The following KLB variants were observed in gnomAD, a reference collection of about 807,000 sequenced individuals.
KLB encodes klotho beta.
A neutral mutation model predicts 88.4 loss-of-function variants in KLB; 44 were observed. That is an observed-to-expected ratio of 0.50 (90% CI 0.39 to 0.64). The LOEUF is 0.64. KLB is among the 30% of genes least tolerant of loss of function. The pLI is 0.00. For synonymous variants in KLB, 548 were observed against 513.4 expected (o/e 1.07, Z -0.91); for missense variants, 1,137 against 1,304.8 (o/e 0.87, Z 1.98).
At chr4:39,418,626 A>T (rs1442532458) in intron 1 of KLB, among the ~76,000 whole-genome samples, 1 of 151,934 alleles carries the variant, frequency 6.6e-6, no homozygotes, top group Admixed American at 6.6e-5. Context: ...TCACGATCTA[A>T]GACACCTCTA....
In KLB at chr4:39,447,050, C is replaced by T. The variant is rs1300930386; in HGVS notation, c.2324C>T (p.Pro775Leu). ...TTCGAGATCGCCTGGTTCGCCGAGC[C>T]GCTCTTCAAGACCGGGGACTACCCC... ...LQFEIAWFAE[P>L]LFKTGDYPAA... is the part of the protein sequence containing the mutation. Residue 775 changes from proline (P) to leucine (L), a missense_variant, in exon 4 of 5, where the codon CCG becomes CTG. This residue lies in a region of KLB where 426 missense variants were observed against 404.6 expected (regional missense o/e 1.05). Transcript: ENST00000257408. 3 of 1,612,566 alleles carry T rather than the reference C, an allele frequency of 1.9e-6. No homozygotes were observed. Among genetic ancestry groups the T allele is most frequent in the East Asian group, 2.2e-5 (1 of 44,884 alleles).
Position 39,407,184 on chromosome 4 carries a change from G to C in KLB, c.235G>C (p.Asp79His), listed in dbSNP as rs754389582. 6.2e-7 allele frequency: 1 copy of C among 1,614,062 alleles called. No homozygotes were observed. Among genetic ancestry groups the C allele is most frequent in the South Asian group, 1.1e-5 (1 of 91,068 alleles). The change falls in exon 1 of 5, where the codon GAC (aspartate) becomes CAC (histidine). Residue 79 changes from aspartate (D) to histidine (H), a missense_variant. Physicochemically the swap from Asp to His is moderately conservative, Grantham distance 81. Coordinates refer to ENST00000257408, the MANE Select transcript of KLB (RefSeq NM_175737.4). ...AAATGAAAGTCAGCTGTTTCTCTATGACACTTTCCCTAAAAACTTTTTCTG... is the reference window on the plus strand; with the variant it reads ...AAATGAAAGTCAGCTGTTTCTCTATCACACTTTCCCTAAAAACTTTTTCTG... ...PVNESQLFLY[D>H]TFPKNFFWGI... is the part of the protein sequence containing the mutation.
intron 4 of KLB, 144 bp from the exon 5 acceptor site, chr4:39,448,157 A>G (rs901490902): frequency 1.5e-5 from 9 of 606,048 alleles, no homozygotes; most frequent in Non-Finnish European, 2.6e-5. Flanking sequence ...TCATAAAAGA[A>G]TAAATGTCAA....
chr4:39,445,479 G>A (rs1180417677), intron 3 of KLB, among the ~76,000 whole-genome samples: 1 of 150,522 alleles, frequency 6.6e-6, no homozygotes, highest in Non-Finnish European at 1.5e-5. Flanking sequence ...GGATGCAAAT[G>A]TGTTATCACT....
Position 39,437,879 on chromosome 4 carries a change from C to T in KLB, c.1489C>T (p.His497Tyr). ...AGAGCGGAAACCTAAGTCTTCAGCACACTACTACAAACAGATCATACGAGA... is the reference window on the plus strand; with the variant it reads ...AGAGCGGAAACCTAAGTCTTCAGCATACTACTACAAACAGATCATACGAGA... ...QKERKPKSSA[H>Y]YYKQIIRENG... Residue 497 changes from histidine (H) to tyrosine (Y), a missense_variant, in exon 3 of 5, where the codon CAC (histidine) becomes TAC (tyrosine). Around this residue, in one of 4 missense-constraint regions of KLB, gnomAD observed 597 missense variants for 765.2 expected, o/e 0.78. Transcript: ENST00000257408. The T allele has an allele frequency of 6.2e-7, 1 of 1,614,192 alleles. No homozygotes were observed. Among genetic ancestry groups the T allele is most frequent in the Non-Finnish European group, 8.5e-7 (1 of 1,180,030 alleles).
Position 39,448,650 on chromosome 4 carries a change from C to CATA in KLB, c.3100_3102dup (p.Ile1034dup). ...TTTGGAAAGCAAAAAACTTACAACA[C>CATA]ATACCATTAAAGAAAGGCAAGAGAG... is the stretch of plus-strand genomic sequence containing the variant. On this transcript the variant is annotated inframe_insertion, in exon 5 of 5. Transcript: ENST00000257408. The CATA allele has an allele frequency of 6.2e-7, 1 of 1,612,574 alleles. No homozygotes were observed. The highest frequency in any genetic ancestry group is 8.5e-7 in the Non-Finnish European group (1 of 1,179,908).
intron 1 of KLB, among the ~76,000 whole-genome samples, chr4:39,418,156 T>C (rs1190898817): frequency 6.6e-6 from 1 of 152,240 alleles, no homozygotes; most frequent in Non-Finnish European, 1.5e-5. Context: ...GGGTTTTTCA[T>C]TTGTCCTCAT....
chr4:39,448,426 AAC>A lies in KLB; in HGVS notation c.2877_2878del (p.Asn959LysfsTer11). 6.2e-7 allele frequency: 1 copy of A among 1,614,204 alleles called. No individual in the cohort carries two copies. The highest frequency in any genetic ancestry group is 8.5e-7 in the Non-Finnish European group (1 of 1,180,024). On this transcript the variant is annotated frameshift_variant, in exon 5 of 5. Transcript: ENST00000257408. LOFTEE classifies it low-confidence loss of function (END_TRUNC). ...FKAKSSIQFY[N>X]KVISSRGFPF... ...AGCTAAATCCTCAATACAATTTTAC[AAC>A]AAAGTGATCAGCAGCAGGGGCTTCC...
chr4:39,446,597 G>A lies in KLB; in HGVS notation c.1871G>A (p.Arg624Lys), dbSNP rs1331327818. The A allele has an allele frequency of 3.1e-6, 5 of 1,614,204 alleles. No individual in the cohort carries two copies. The highest frequency in any genetic ancestry group is 2.2e-5 in the South Asian group (2 of 91,090). Residue 624 changes from arginine (R) to lysine (K), a missense_variant, in exon 4 of 5, where the codon AGG becomes AAG. Physicochemically the swap from Arg to Lys is conservative, Grantham distance 26. Transcript: ENST00000257408. This position sits in a 1 kb window ranked among gnomAD's most constrained non-coding sequence, Gnocchi z 6.4. ...AVNRQALRYYRCVVSEGLKLG... is the reference protein window; with the variant it reads ...AVNRQALRYYKCVVSEGLKLG... The stretch of plus-strand genomic sequence containing the variant: ...AACCGACAGGCCCTGAGGTACTACA[G>A]GTGCGTGGTCAGTGAGGGGCTGAAG...
At chr4:39,409,284 C>G (rs1304128555) in intron 1 of KLB, among the ~76,000 whole-genome samples, 1 of 147,128 alleles carries the variant, frequency 6.8e-6, no homozygotes, top group Non-Finnish European at 1.5e-5. Flanking sequence ...TCATTTAGTC[C>G]TTTTAATTTT....
At chr4:39,438,876 G>C (rs552797288) in intron 3 of KLB, among the ~76,000 whole-genome samples, 1 of 60,394 alleles carries the variant, frequency 1.7e-5, no homozygotes, top group Non-Finnish European at 3.3e-5. Flanking sequence ...TTCATTTTAC[G>C]GGGGGAGGAA....
At chr4:39,416,775 C>A (rs1433848710) in intron 1 of KLB, among the ~76,000 whole-genome samples, 6 of 152,056 alleles carry the variant, frequency 3.9e-5, no homozygotes, top group Non-Finnish European at 8.8e-5. Context: ...GGGTGAGACC[C>A]TGTCTCAAAA....
chr4:39,424,776 G>GCC (rs1743165978), intron 1 of KLB, among the ~76,000 whole-genome samples: 1 of 151,962 alleles, frequency 6.6e-6, no homozygotes, highest in African/African-American at 2.4e-5. Context: ...CTACAGGCAT[G>GCC]TGCCACCACG....
intron 1 of KLB, among the ~76,000 whole-genome samples, chr4:39,423,265 C>T (rs1743128833): frequency 7.5e-6 from 1 of 132,672 alleles, no homozygotes; most frequent in Non-Finnish European, 1.7e-5. Context: ...GTGCTAGGCA[C>T]TTGGACAACT....
At chr4:39,419,803 G>T (rs890416829) in intron 1 of KLB, among the ~76,000 whole-genome samples, 2 of 149,924 alleles carry the variant, frequency 1.3e-5, no homozygotes, top group African/African-American at 4.9e-5. Context: ...AATTAGCTGG[G>T]CGTAGTGGTG....
At chr4:39,432,532 T>A (rs1014652119) in intron 1 of KLB, among the ~76,000 whole-genome samples, 2 of 152,170 alleles carry the variant, frequency 1.3e-5, no homozygotes, top group Admixed American at 6.5e-5. Flanking sequence ...AATTTTTTTT[T>A]AATTTAATGC....
chr4:39,415,820 T>C (rs1008426108), intron 1 of KLB, among the ~76,000 whole-genome samples: 2 of 152,170 alleles, frequency 1.3e-5, no homozygotes, highest in Non-Finnish European at 2.9e-5. Context: ...CTTAACACTG[T>C]GAAAGTGGCT....
intron 3 of KLB, among the ~76,000 whole-genome samples, chr4:39,440,920 T>A (rs1450568289): frequency 6.6e-6 from 1 of 152,158 alleles, no homozygotes; most frequent in Non-Finnish European, 1.5e-5. Context: ...TGCAGTGGCG[T>A]GATCTCAGCT....
Position 39,407,490 on chromosome 4 carries a change from G to A in KLB, c.541G>A (p.Ala181Thr), listed in dbSNP as rs550853660. ...GCAGTACTACAGTACTCTTCTGGAC[G>A]CTCTAGTGCTTAGAAACATTGAACC... ...GLQYYSTLLD[A>T]LVLRNIEPIV... The change falls in exon 1 of 5, where the codon GCT (alanine) becomes ACT (threonine). Residue 181 changes from alanine (A) to threonine (T), a missense_variant. This residue lies in a region of KLB where 597 missense variants were observed against 765.2 expected (regional missense o/e 0.78). Coordinates refer to ENST00000257408, the MANE Select transcript of KLB (RefSeq NM_175737.4). The A allele has an allele frequency of 1.5e-5, 25 of 1,614,152 alleles. No individual in the cohort carries two copies. The highest frequency in any genetic ancestry group is 6.7e-5 in the African/African-American group (5 of 75,032).
Sources: allele counts gnomAD v4.1 joint callset (sites outside exome capture counted in the v4.1 genomes callset), GRCh38; gene constraint gnomAD v4.1.1; regional missense constraint gnomAD v4.1.1; non-coding constraint Gnocchi (gnomAD v3.1); transcripts MANE v1.5; gene names NCBI Gene and HGNC (gene_info 2026-07-23, HGNC 2026-07-21).